NTNG1: variants seen among roughly 807,000 people sequenced by gnomAD.
NTNG1 encodes the protein netrin-G1.
NTNG1 carries 16 observed loss-of-function variants against 54.0 expected under a neutral mutation model. The ratio of observed to expected loss-of-function variants is 0.30; its 90% CI spans 0.20 to 0.45. The LOEUF (loss-of-function observed/expected upper bound fraction) is 0.45. Among genes scored for constraint, NTNG1 ranks in the 20% least tolerant of loss-of-function variants. The pLI is 1.00. For missense variants in NTNG1, 530 were observed against 678.7 expected, an observed-to-expected ratio of 0.78 and a Z score of 2.43; for synonymous variants, 255 against 263.1, an observed-to-expected ratio of 0.97 and a Z score of 0.30.
chr1:107,262,538 G>A (rs1360885635), intron 2 of NTNG1, among the ~76,000 whole-genome samples: 1 of 152,188 alleles, frequency 6.6e-6, no homozygotes, highest in Non-Finnish European at 1.5e-5. Flanking sequence ...AGGTTTTAGG[G>A]CAAGGGATTG....
intron 5 of NTNG1, among the ~76,000 whole-genome samples, chr1:107,411,044 A>G: frequency 6.6e-6 from 1 of 152,152 alleles, no homozygotes; most frequent in East Asian, 1.9e-4. Context: ...AGAATTTTTT[A>G]AATAACACAA....
At chr1:107,214,645 T>C (rs767321409) in intron 2 of NTNG1, among the ~76,000 whole-genome samples, 4 of 152,134 alleles carry the variant, frequency 2.6e-5, no homozygotes, top group Non-Finnish European at 5.9e-5. Context: ...CCAGGATATC[T>C]ACCTTGATCC....
At chr1:107,437,125 A>T (rs1675653689) in intron 7 of NTNG1, among the ~76,000 whole-genome samples, 1 of 152,140 alleles carries the variant, frequency 6.6e-6, no homozygotes, top group Non-Finnish European at 1.5e-5. Context: ...ATGAAGGGTG[A>T]TGTGCATGTG....
intron 2 of NTNG1, among the ~76,000 whole-genome samples, chr1:107,196,960 G>A (rs1271023367): frequency 2.0e-5 from 3 of 151,836 alleles, no homozygotes; most frequent in Non-Finnish European, 4.4e-5. Flanking sequence ...GTGTGCGCAC[G>A]TGCATGCATG....
At chr1:107,245,766 T>C (rs546002994) in intron 2 of NTNG1, among the ~76,000 whole-genome samples, 1 of 152,308 alleles carries the variant, frequency 6.6e-6, no homozygotes, top group Admixed American at 6.5e-5. Flanking sequence ...CTGCGTATTA[T>C]CACCCATGCG....
chr1:107,365,364 C>A (rs1260497167), intron 3 of NTNG1, among the ~76,000 whole-genome samples: 1 of 152,086 alleles, frequency 6.6e-6, no homozygotes, highest in African/African-American at 2.4e-5. Flanking sequence ...AAAGGGTCAC[C>A]AATGTGGTGA....
At chr1:107,385,396 C>T (rs1203292044) in intron 3 of NTNG1, among the ~76,000 whole-genome samples, 2 of 152,048 alleles carry the variant, frequency 1.3e-5, no homozygotes, top group Admixed American at 1.3e-4. Context: ...TCCATGTGGT[C>T]CATGATGGCT....
chr1:107,423,533 C>A lies in NTNG1; in HGVS notation c.1088-7217C>A, dbSNP rs1570931484. Reference sequence around the variant, plus strand: ...TGTCTTCTGGTACATGATGGCTGTACGTGGTACAGGGTAGTTCTCAATAAA... The same window carrying A: ...TGTCTTCTGGTACATGATGGCTGTAAGTGGTACAGGGTAGTTCTCAATAAA... On this transcript the variant is annotated intron_variant, in intron 5 of 7. Coordinates refer to ENST00000370068, the MANE Select transcript of NTNG1 (RefSeq NM_001113226.3). 7.9e-5 allele frequency among the ~76,000 whole-genome samples: 12 copies of A among 152,182 alleles called. No individual in the cohort carries two copies. The South Asian group carries it at 2.5e-3, about 32-fold the overall frequency.
chr1:107,164,295 A>G (rs1463080824), intron 2 of NTNG1, among the ~76,000 whole-genome samples: 1 of 152,238 alleles, frequency 6.6e-6, no homozygotes, highest in African/African-American at 2.4e-5. Flanking sequence ...CCCAAGCACC[A>G]TGCAGGCCTC....
At chr1:107,454,424 G>A (rs1676808958) in intron 7 of NTNG1, among the ~76,000 whole-genome samples, 1 of 152,088 alleles carries the variant, frequency 6.6e-6, no homozygotes, top group South Asian at 2.1e-4. Context: ...CCGTAAAGTA[G>A]ACACTGCTGA....
chr1:107,420,753 A>G (rs900053844), intron 5 of NTNG1, among the ~76,000 whole-genome samples: 1 of 152,054 alleles, frequency 6.6e-6, no homozygotes, highest in African/African-American at 2.4e-5. Flanking sequence ...TCAACTGACA[A>G]GACAACTCCT....
intron 2 of NTNG1, among the ~76,000 whole-genome samples, chr1:107,185,285 G>A (rs1166653842): frequency 1.3e-5 from 2 of 152,134 alleles, no homozygotes; most frequent in Non-Finnish European, 2.9e-5. Context: ...TCAAAGTGTT[G>A]GCAGGACTGC....
At chr1:107,317,730 G>A (rs114924330) in intron 2 of NTNG1, among the ~76,000 whole-genome samples, 60 of 152,172 alleles carry the variant, frequency 3.9e-4, no homozygotes, top group African/African-American at 1.4e-3. Flanking sequence ...AAGCCCTCCC[G>A]TCTTTATTCC....
chr1:107,381,859 C>G (rs530481328), intron 3 of NTNG1, among the ~76,000 whole-genome samples: 2 of 152,216 alleles, frequency 1.3e-5, no homozygotes, highest in South Asian at 2.1e-4. Context: ...TATTCTAAGC[C>G]GGGATTCTCC....
At chr1:107,321,671 G>C (rs1341161445) in intron 2 of NTNG1, among the ~76,000 whole-genome samples, 2 of 152,134 alleles carry the variant, frequency 1.3e-5, no homozygotes, top group Non-Finnish European at 2.9e-5. Flanking sequence ...ATTATGTGAA[G>C]CTAAACAAGG....
chr1:107,445,896 T>G lies in NTNG1; in HGVS notation c.1390+9097T>G, dbSNP rs529050911. ...TGTAATTTTCATGTGCCAAGAAATATTCTTCTTTTGATTTTGTTTCAATCA... is the reference window on the plus strand; with the variant it reads ...TGTAATTTTCATGTGCCAAGAAATAGTCTTCTTTTGATTTTGTTTCAATCA... On this transcript the variant is annotated intron_variant, in intron 7 of 7. Transcript: ENST00000370068. Among the ~76,000 whole-genome samples the G allele has an allele frequency of 5.9e-5, 9 of 152,212 alleles. No homozygotes were observed. The Middle Eastern group carries it at 0.01, about 173-fold the overall frequency.
chr1:107,437,151 G>C (rs150803317), intron 7 of NTNG1, among the ~76,000 whole-genome samples: 13 of 152,072 alleles, frequency 8.5e-5, no homozygotes, highest in Non-Finnish European at 1.6e-4. Context: ...TATATTTCTT[G>C]AACTGAAAGT....
chr1:107,214,681 G>A (rs757489201), intron 2 of NTNG1, among the ~76,000 whole-genome samples: 3 of 151,958 alleles, frequency 2.0e-5, no homozygotes, highest in Non-Finnish European at 4.4e-5. Context: ...TGGTAGATCT[G>A]TTTTTAGTTC....
intron 3 of NTNG1, among the ~76,000 whole-genome samples, chr1:107,341,348 C>T (rs1181776996): frequency 6.6e-6 from 1 of 151,948 alleles, no homozygotes; most frequent in Non-Finnish European, 1.5e-5. Flanking sequence ...TAATTGTTTC[C>T]TTCCTCTTTA....
Sources: gnomAD v4.1 joint callset for allele counts (sites outside exome capture counted in the v4.1 genomes callset) on GRCh38, gnomAD v4.1.1 for gene constraint, MANE v1.5 for transcripts, NCBI Gene and HGNC (gene_info 2026-07-23, HGNC 2026-07-21) for gene names.